Variants in CPXM2 observed in about 807,000 individuals in gnomAD.
CPXM2 encodes the protein carboxypeptidase X, M14 family member 2.
Under a neutral mutation model 86.1 loss-of-function variants are expected in CPXM2, and 66 were observed. That is an observed-to-expected ratio of 0.77 (90% CI 0.63 to 0.94). The LOEUF is 0.94. Ranked by LOEUF, CPXM2 falls within the 40% of genes least tolerant of loss-of-function variation. CPXM2 has a pLI of 0.00. For missense variants in CPXM2, 948 were observed against 1,026.3 expected (o/e 0.92, Z 1.04); for synonymous variants, 388 against 400.2 (o/e 0.97, Z 0.36).
intron 2 of CPXM2, among the ~76,000 whole-genome samples, chr10:123,922,485 C>T (rs1945586361): frequency 6.6e-6 from 1 of 152,194 alleles, no homozygotes; most frequent in South Asian, 2.1e-4. Flanking sequence ...TAGGTATTCA[C>T]TCATTCATTC....
At chr10:123,750,725 C>T (rs138680491) in intron 13 of CPXM2, 320 of 985,356 alleles carry the variant, frequency 3.2e-4, no homozygotes, top group South Asian at 3.8e-4. Context: ...ATGAATACAA[C>T]GATCAGGACT....
intron 8 of CPXM2, among the ~76,000 whole-genome samples, chr10:123,770,665 C>T (rs561956474): frequency 4.6e-5 from 7 of 152,212 alleles, no homozygotes; most frequent in South Asian, 4.2e-4. Flanking sequence ...CAGAGGTGGA[C>T]GACAGAGAAT....
At position 123,924,884 on chromosome 10, in the gene CPXM2, G is replaced by GATTAGAACAAAATACCCCT. The variant is rs1239158746; in HGVS notation, n.174+14574_174+14592dup. Among the ~76,000 whole-genome samples, 562 of 152,182 alleles carry GATTAGAACAAAATACCCCT rather than the reference G, an allele frequency of 3.7e-3. 5 individuals are homozygous for GATTAGAACAAAATACCCCT. Among genetic ancestry groups the GATTAGAACAAAATACCCCT allele is most frequent in the African/African-American group, 0.013 (542 of 41,510 alleles). On this transcript the variant is annotated intron_variant and non_coding_transcript_variant, in intron 2 of 19. Coordinates refer to the CPXM2 transcript ENST00000368854. ...GTCAGGAATCAGGGTCAAAGACCCT[G>GATTAGAACAAAATACCCCT]ATTAGAACAAAATACCCCTATTAGA...
chr10:123,925,584 A>G (rs1435721587), intron 2 of CPXM2, among the ~76,000 whole-genome samples: 2 of 152,304 alleles, frequency 1.3e-5, no homozygotes, highest in African/African-American at 2.4e-5. Flanking sequence ...GTGCCAAAAT[A>G]TTTGTAAGTT....
intron 3 of CPXM2, among the ~76,000 whole-genome samples, chr10:123,859,608 T>C (rs1848810975): frequency 6.6e-6 from 1 of 152,244 alleles, no homozygotes; most frequent in Admixed American, 6.5e-5. Context: ...GATTTGGCTA[T>C]TAAAGCAGCA....
At chr10:123,788,638 C>T (rs1211715563) in intron 6 of CPXM2, among the ~76,000 whole-genome samples, 1 of 152,222 alleles carries the variant, frequency 6.6e-6, no homozygotes, top group African/African-American at 2.4e-5. Flanking sequence ...TTCCCCTAAG[C>T]TGGCTTCAGA....
At chr10:123,855,665 TA>T in intron 3 of CPXM2, among the ~76,000 whole-genome samples, 1 of 152,310 alleles carries the variant, frequency 6.6e-6, no homozygotes, top group Non-Finnish European at 1.5e-5. Context: ...TTCAATGTTC[TA>T]AAACTGCATT....
Position 123,891,668 on chromosome 10 carries a change from C to A in CPXM2, c.-9G>T. On this transcript the variant is annotated 5_prime_UTR_variant, in exon 1 of 14. Transcript: ENST00000241305. This position sits in a 1 kb window ranked among gnomAD's most constrained non-coding sequence, Gnocchi z 5.6. Reference sequence around the variant, plus strand: ...GTCCCCGGGCGGGACATGCCTGCTCCGCCCCGCGCCCAGGGCAGGGTCACG... The same window carrying A: ...GTCCCCGGGCGGGACATGCCTGCTCAGCCCCGCGCCCAGGGCAGGGTCACG... 1 of 1,379,606 alleles carries A rather than the reference C, an allele frequency of 7.2e-7. No individual in the cohort carries two copies. 85.5% of individuals were successfully genotyped at this position (1,379,606 alleles called of 1,614,324 possible). A position where few individuals can be genotyped will look rare whatever the true frequency, so the allele number is the denominator to read the frequency against.
chr10:123,913,202 T>C (rs1945504345), intron 2 of CPXM2, among the ~76,000 whole-genome samples: 1 of 152,238 alleles, frequency 6.6e-6, no homozygotes, highest in Non-Finnish European at 1.5e-5. Flanking sequence ...TATTTTGAGC[T>C]AAACATGACT....
chr10:123,901,814 A>C (rs1945384285), intron 2 of CPXM2, among the ~76,000 whole-genome samples: 1 of 152,182 alleles, frequency 6.6e-6, no homozygotes, highest in African/African-American at 2.4e-5. Flanking sequence ...CCAATCAGAG[A>C]CCAGCTGTAT....
chr10:123,886,730 G>T (rs1227495809), intron 1 of CPXM2, among the ~76,000 whole-genome samples: 1 of 152,210 alleles, frequency 6.6e-6, no homozygotes, highest in Non-Finnish European at 1.5e-5. Context: ...GCAATGAAGA[G>T]AGAAATAAAT....
At chr10:123,786,668 C>T (rs184465398) in intron 6 of CPXM2, among the ~76,000 whole-genome samples, 3 of 152,318 alleles carry the variant, frequency 2.0e-5, no homozygotes, top group East Asian at 3.9e-4. Context: ...TCTCATTATA[C>T]CCCATTCCTT....
chr10:123,814,663 A>C (rs182817576), intron 4 of CPXM2, among the ~76,000 whole-genome samples: 2 of 152,162 alleles, frequency 1.3e-5, no homozygotes, highest in East Asian at 3.8e-4. Context: ...AGACCCAAAA[A>C]TGCTAAGGAC....
chr10:123,847,463 T>C (rs1590062171), intron 3 of CPXM2, among the ~76,000 whole-genome samples: 1 of 151,650 alleles, frequency 6.6e-6, no homozygotes, highest in Admixed American at 6.6e-5. Context: ...GAGGCGGAGG[T>C]TGCAGTGAGC....
At chr10:123,833,906 C>T (rs988427762) in intron 4 of CPXM2, among the ~76,000 whole-genome samples, 5 of 143,924 alleles carry the variant, frequency 3.5e-5, no homozygotes, top group Non-Finnish European at 6.1e-5. Flanking sequence ...ACAGCAGCAA[C>T]AGCAGACCCC....
Position 123,844,498 on chromosome 10 carries a change from G to T in CPXM2, c.514-2010C>A, listed in dbSNP as rs576970003. ...CCCTAACAGACTCAATTTTGCTTAA[G>T]ATAAATGTGGGAATTATCAAATCCA... On this transcript the variant is annotated intron_variant, in intron 3 of 13. Transcript: ENST00000241305. Among the ~76,000 whole-genome samples the T allele has an allele frequency of 1.8e-4, 28 of 152,164 alleles. No individual in the cohort carries two copies. The South Asian group carries it at 4.8e-3, about 26-fold the overall frequency.
At chr10:123,862,336 C>T (rs1192382368) in intron 3 of CPXM2, among the ~76,000 whole-genome samples, 2 of 152,232 alleles carry the variant, frequency 1.3e-5, no homozygotes, top group Non-Finnish European at 2.9e-5. Context: ...TCTGGACCAA[C>T]AGCATATGGA....
At chr10:123,807,556 T>G (rs548536410) in intron 4 of CPXM2, among the ~76,000 whole-genome samples, 1 of 152,242 alleles carries the variant, frequency 6.6e-6, no homozygotes, top group South Asian at 2.1e-4. Flanking sequence ...TACAGGTTGA[T>G]GATGAAGACA....
At chr10:123,814,217 T>C (rs1847761025) in intron 4 of CPXM2, among the ~76,000 whole-genome samples, 2 of 152,150 alleles carry the variant, frequency 1.3e-5, no homozygotes, top group South Asian at 2.1e-4. Flanking sequence ...TCTGAGTCAG[T>C]AGGCTTGGAA....
Sources: allele counts gnomAD v4.1 joint callset (sites outside exome capture counted in the v4.1 genomes callset), GRCh38; gene constraint gnomAD v4.1.1; non-coding constraint Gnocchi (gnomAD v3.1); transcripts MANE v1.5; gene names NCBI Gene and HGNC (gene_info 2026-07-23, HGNC 2026-07-21).